Variants in PNPLA1 observed in about 807,000 individuals in gnomAD.
The protein encoded by PNPLA1 is patatin like domain 1, omega-hydroxyceramide transacylase, also known as omega-hydroxyceramide transacylase.
A neutral mutation model predicts 51.7 loss-of-function variants in PNPLA1; 36 were observed. The ratio of observed to expected loss-of-function variants is 0.70; its 90% confidence interval spans 0.53 to 0.92. PNPLA1 has a LOEUF of 0.92. Among genes scored for constraint, PNPLA1 ranks in the 40% least tolerant of loss-of-function variants. PNPLA1 has a pLI of 0.00. For missense variants in PNPLA1, 658 were observed against 682.5 expected, an observed-to-expected ratio of 0.96 and a Z score of 0.40; for synonymous variants, 293 against 280.1, an observed-to-expected ratio of 1.05 and a Z score of -0.46.
chr6:36,293,202 GC>G, intron 3 of PNPLA1, 76 bp downstream of exon 3: 1 of 1,427,134 alleles, frequency 7.0e-7, no homozygotes, highest in Non-Finnish European at 9.8e-7. Context: ...ACCTGGGGGA[GC>G]AGGGGGGTGG....
At chr6:36,275,200 T>A (rs1770052243) in intron 1 of PNPLA1, among the ~76,000 whole-genome samples, 1 of 152,130 alleles carries the variant, frequency 6.6e-6, no homozygotes, top group South Asian at 2.1e-4. Context: ...TGCATCAGCC[T>A]CCTGAGTAGC....
intron 5 of PNPLA1, 105 bp from the exon 6 acceptor site, chr6:36,301,756 T>C: frequency 7.1e-7 from 1 of 1,414,340 alleles, no homozygotes; most frequent in Non-Finnish European, 9.6e-7. Flanking sequence ...GAAAGACCTT[T>C]GAAAAGCACT....
chr6:36,267,403 G>T (rs76474606), upstream of PNPLA1, among the ~76,000 whole-genome samples: 2 of 152,178 alleles, frequency 1.3e-5, no homozygotes, highest in African/African-American at 4.8e-5. Context: ...GCTCCTCCAC[G>T]GCCTTGCTGG....
intron 5 of PNPLA1, among the ~76,000 whole-genome samples, chr6:36,297,070 C>T (rs981002778): frequency 1.3e-5 from 2 of 152,136 alleles, no homozygotes; most frequent in Non-Finnish European, 2.9e-5. Context: ...TCAGTCCCGC[C>T]TACTGCTGGG....
intron 1 of PNPLA1, among the ~76,000 whole-genome samples, chr6:36,248,030 T>C (rs1023893648): frequency 1.3e-5 from 2 of 152,168 alleles, no homozygotes; most frequent in African/African-American, 2.4e-5. Flanking sequence ...AACCCAGATC[T>C]GCCTCCAGTC....
At chr6:36,259,109 A>G (rs1177519622) in intron 1 of PNPLA1, among the ~76,000 whole-genome samples, 1 of 152,202 alleles carries the variant, frequency 6.6e-6, no homozygotes, top group Non-Finnish European at 1.5e-5. Flanking sequence ...CCAAAACTTG[A>G]GGTCTGAACC....
intron 1 of PNPLA1, among the ~76,000 whole-genome samples, chr6:36,252,515 G>C (rs1769442527): frequency 6.8e-6 from 1 of 146,612 alleles, no homozygotes; most frequent in Admixed American, 7.0e-5. Flanking sequence ...CAGGGGTTGG[G>C]CTGTGTGTGT....
chr6:36,283,861 C>G (rs1439854500), intron 1 of PNPLA1, among the ~76,000 whole-genome samples: 1 of 152,198 alleles, frequency 6.6e-6, no homozygotes, highest in East Asian at 1.9e-4. Context: ...CATGGAGAAT[C>G]TGTACGGCAG....
chr6:36,282,088 A>AGAAAGAAAGGAAGAAAGAAAGAAG (rs1554136580), intron 1 of PNPLA1, among the ~76,000 whole-genome samples: 2 of 98,850 alleles, frequency 2.0e-5, no homozygotes, highest in Non-Finnish European at 3.9e-5. Context: ...AAAGAAAGAA[A>AGAAAGAAAGGAAGAAAGAAAGAAG]GAAGGAAGGA....
chr6:36,300,603 A>C (rs1259417685), intron 5 of PNPLA1, among the ~76,000 whole-genome samples: 1 of 151,970 alleles, frequency 6.6e-6, no homozygotes, highest in Non-Finnish European at 1.5e-5. Flanking sequence ...TGGGGAGGAG[A>C]CCACAGAGGT....
upstream of PNPLA1, among the ~76,000 whole-genome samples, chr6:36,267,462 C>T (rs368348277): frequency 5.3e-5 from 8 of 152,104 alleles, no homozygotes; most frequent in Admixed American, 6.5e-5. Context: ...GGAGGCTGTG[C>T]GTCATTGCTG....
intron 1 of PNPLA1, 70 bp downstream of exon 1, chr6:36,270,734 G>A (rs2127324375): frequency 6.6e-7 from 1 of 1,507,198 alleles, no homozygotes; most frequent in Non-Finnish European, 9.0e-7. Context: ...GGAGCGTGAG[G>A]GAGGCTGGGG....
intron 1 of PNPLA1, among the ~76,000 whole-genome samples, chr6:36,271,683 C>T (rs80350082): frequency 0.034 from 5,198 of 152,276 alleles, 127 homozygotes; most frequent in Middle Eastern, 0.14. Context: ...CTGGGAGCTC[C>T]TGAAAAGGAG....
intron 1 of PNPLA1, among the ~76,000 whole-genome samples, chr6:36,278,860 C>T (rs1463037800): frequency 6.6e-6 from 1 of 152,174 alleles, no homozygotes; most frequent in African/African-American, 2.4e-5. Context: ...GATGTCCACA[C>T]TCATGAAGCT....
intron 1 of PNPLA1, among the ~76,000 whole-genome samples, chr6:36,276,850 A>G (rs1477884904): frequency 6.6e-6 from 1 of 152,240 alleles, no homozygotes; most frequent in Admixed American, 6.5e-5. Context: ...GATACAACAC[A>G]AAATGAAACT....
chr6:36,295,308 T>C (rs1387952974), intron 4 of PNPLA1, 56 bp from the exon 5 acceptor site: 5 of 1,583,842 alleles, frequency 3.2e-6, no homozygotes, highest in African/African-American at 1.3e-5. Flanking sequence ...TCGGGGGAAC[T>C]GTGGCTCCCT....
chr6:36,310,516 A>G (rs1771364821), intron 8 of PNPLA1, among the ~76,000 whole-genome samples: 1 of 152,222 alleles, frequency 6.6e-6, no homozygotes, highest in South Asian at 2.1e-4. Context: ...CCACCATAAA[A>G]GATCCTTTTC....
intron 1 of PNPLA1, among the ~76,000 whole-genome samples, chr6:36,277,325 G>C (rs183535057): frequency 2.9e-4 from 44 of 152,346 alleles, no homozygotes; most frequent in African/African-American, 9.6e-4. Context: ...TGTCCTGTCA[G>C]CTACATCCCA....
chr6:36,277,206 G>A (rs1541316), intron 1 of PNPLA1, among the ~76,000 whole-genome samples: 5 of 151,916 alleles, frequency 3.3e-5, no homozygotes, highest in Admixed American at 1.3e-4. Flanking sequence ...GTTGAAAGGC[G>A]TTGCCTTTCC....
Sources: gnomAD v4.1 joint callset for allele counts (sites outside exome capture counted in the v4.1 genomes callset) on GRCh38, gnomAD v4.1.1 for gene constraint, MANE v1.5 for transcripts, NCBI Gene and HGNC (gene_info 2026-07-23, HGNC 2026-07-21) for gene names.